FBXL13: variants seen among roughly 807,000 people sequenced by gnomAD.
FBXL13 encodes F-box and leucine rich repeat protein 13.
A neutral mutation model predicts 83.6 loss-of-function variants in FBXL13; 67 were observed. The ratio of observed to expected loss-of-function variants is 0.80; its 90% confidence interval spans 0.66 to 0.98. The LOEUF (loss-of-function observed/expected upper bound fraction) is 0.98. FBXL13 is among the 50% of genes least tolerant of loss of function. The pLI, the probability that FBXL13 is intolerant of heterozygous loss-of-function variation, is 0.00. For synonymous variants in FBXL13, 272 were observed against 299.5 expected, an observed-to-expected ratio of 0.91 and a Z score of 0.95; for missense variants, 822 against 866.5, an observed-to-expected ratio of 0.95 and a Z score of 0.64.
intron 1 of FBXL13, among the ~76,000 whole-genome samples, chr7:103,071,587 A>C (rs1412325900): frequency 2.7e-5 from 4 of 147,012 alleles, no homozygotes; most frequent in African/African-American, 1.0e-4. Flanking sequence ...TTGTACACAC[A>C]GGGTCTCACT....
intron 11 of FBXL13, among the ~76,000 whole-genome samples, chr7:102,910,811 C>T (rs567925490): frequency 2.0e-5 from 3 of 152,260 alleles, no homozygotes; most frequent in Admixed American, 6.5e-5. Flanking sequence ...CAGGCTGGAA[C>T]GCAGTGGTGG....
At chr7:102,934,054 C>T (rs762549029) in intron 8 of FBXL13, 3 of 1,614,046 alleles carry the variant, frequency 1.9e-6, no homozygotes, top group African/African-American at 1.3e-5. Flanking sequence ...CGGTCAAACG[C>T]TACGCACCAG....
intron 18 of FBXL13, among the ~76,000 whole-genome samples, chr7:102,831,431 A>ACCCCCCC (rs56834945): frequency 5.4e-5 from 8 of 147,126 alleles, no homozygotes; most frequent in African/African-American, 2.0e-4. Context: ...ACACACACAC[A>ACCCCCCC]CCCCACTACA....
Position 103,028,536 on chromosome 7 carries a change from G to C in FBXL13, c.217+64C>G, listed in dbSNP as rs909763312. 8 of 1,196,830 alleles carry C rather than the reference G, an allele frequency of 6.7e-6. No homozygotes were observed. In the African/African-American group the frequency reaches 1.1e-4, roughly 17 times the overall value. The allele number at this position is 1,196,830 out of a possible 1,614,324, so 74.1% of individuals were successfully genotyped here. ...CTAAGTACCCAAAGTATGCTTAACTGTTAGTTTTTTTATTATTTCAATAAA... is the reference window on the plus strand; with the variant it reads ...CTAAGTACCCAAAGTATGCTTAACTCTTAGTTTTTTTATTATTTCAATAAA... On this transcript the variant is annotated intron_variant, in intron 4 of 19. Coordinates refer to ENST00000313221, the Ensembl canonical transcript of FBXL13.
chr7:102,913,927 T>C (rs922090056), intron 10 of FBXL13, among the ~76,000 whole-genome samples: 3 of 152,078 alleles, frequency 2.0e-5, no homozygotes, highest in African/African-American at 7.2e-5. Context: ...TTGAAACAGA[T>C]TAAATATGGT....
intron 10 of FBXL13, among the ~76,000 whole-genome samples, chr7:102,919,045 C>T (rs561832175): frequency 6.6e-6 from 1 of 152,290 alleles, no homozygotes; most frequent in South Asian, 2.1e-4. Context: ...GGACCTCCCA[C>T]AGTGGTCACT....
intron 1 of FBXL13, among the ~76,000 whole-genome samples, chr7:103,067,540 T>C (rs1026333062): frequency 2.0e-5 from 3 of 152,228 alleles, no homozygotes; most frequent in Non-Finnish European, 2.9e-5. Flanking sequence ...CTCTGTCTCT[T>C]GGACACCTGT....
chr7:103,054,416 A>C (rs1057022453), intron 2 of FBXL13, among the ~76,000 whole-genome samples: 8 of 149,244 alleles, frequency 5.4e-5, no homozygotes, highest in South Asian at 4.2e-4. Flanking sequence ...AAAGAGAGAG[A>C]GTTATCACAC....
intron 1 of FBXL13, among the ~76,000 whole-genome samples, chr7:103,073,192 C>T (rs2129510676): frequency 6.6e-6 from 1 of 152,324 alleles, no homozygotes; most frequent in East Asian, 1.9e-4. Flanking sequence ...TATGCATGCA[C>T]TATTGTCTTA....
intron 11 of FBXL13, among the ~76,000 whole-genome samples, chr7:102,902,483 G>C (rs1813089672): frequency 6.6e-6 from 1 of 152,092 alleles, no homozygotes; most frequent in Non-Finnish European, 1.5e-5. Context: ...TGTACTTGTG[G>C]GGTATTGCTC....
At chr7:102,820,487 A>T (rs1473855009) in intron 19 of FBXL13, among the ~76,000 whole-genome samples, 1 of 152,116 alleles carries the variant, frequency 6.6e-6, no homozygotes, top group Non-Finnish European at 1.5e-5. Context: ...ATATTTTTTA[A>T]ATCTAGGGAC....
chr7:102,848,273 G>GGATATTATATAAATGTATTTATATT (rs1299866637), intron 17 of FBXL13, among the ~76,000 whole-genome samples: 2 of 116,170 alleles, frequency 1.7e-5, no homozygotes, highest in East Asian at 3.0e-4. Context: ...ATACACATTC[G>GGATATTATATAAATGTATTTATATT]AGGCCGGGCG....
intron 18 of FBXL13, among the ~76,000 whole-genome samples, chr7:102,823,751 A>G (rs1405072076): frequency 6.6e-6 from 1 of 152,244 alleles, no homozygotes; most frequent in Non-Finnish European, 1.5e-5. Context: ...TTGTTTTAAC[A>G]TAAAGTTAAA....
rs140513809 is a variant in FBXL13, at chr7:102,964,033, G to A, written c.592-368C>T. Among the ~76,000 whole-genome samples the A allele has an allele frequency of 4.4e-4, 67 of 152,254 alleles. No individual in the cohort carries two copies. The East Asian group carries it at 0.011, about 26-fold the overall frequency. On this transcript the variant is annotated intron_variant, in intron 7 of 19. Coordinates refer to ENST00000313221, the Ensembl canonical transcript of FBXL13. ...TGCAAATTGAAACCACAATGAGGTC[G>A]GGCACGGTGGCTCATGCCTGTAATC...
At chr7:102,962,064 A>G (rs1448845250) in intron 8 of FBXL13, among the ~76,000 whole-genome samples, 1 of 151,106 alleles carries the variant, frequency 6.6e-6, no homozygotes, top group Non-Finnish European at 1.5e-5. Flanking sequence ...ACAAAATGGG[A>G]GAAAATTTTC....
intron 11 of FBXL13, among the ~76,000 whole-genome samples, chr7:102,910,493 C>T (rs940678473): frequency 4.6e-5 from 7 of 151,666 alleles, no homozygotes; most frequent in South Asian, 2.1e-4. Flanking sequence ...CAGCGTGGCT[C>T]GGGCTCCAAT....
intron 6 of FBXL13, among the ~76,000 whole-genome samples, chr7:102,972,690 G>T (rs926701018): frequency 2.0e-5 from 3 of 149,758 alleles, no homozygotes; most frequent in African/African-American, 7.3e-5. Flanking sequence ...ATAAAGTCAG[G>T]AAAGGGGAAA....
chr7:102,834,403 G>A lies in FBXL13; in HGVS notation c.1720-1429C>T, dbSNP rs955761949. On this transcript the variant is annotated intron_variant, in intron 17 of 19. Coordinates refer to ENST00000313221, the Ensembl canonical transcript of FBXL13. ...AATTATATATATATATATTATATGC[G>A]ATTATATATATATTATATATATGTG... Among the ~76,000 whole-genome samples, 15 of 145,054 alleles carry A rather than the reference G, an allele frequency of 1.0e-4. No individual in the cohort carries two copies. The South Asian group carries it at 1.3e-3, about 12-fold the overall frequency.
At chr7:102,910,418 G>A (rs1814469363) in intron 11 of FBXL13, among the ~76,000 whole-genome samples, 1 of 151,478 alleles carries the variant, frequency 6.6e-6, no homozygotes, top group South Asian at 2.1e-4. Context: ...GGGGGGAGGG[G>A]GTCTTTATTC....
Sources: allele counts gnomAD v4.1 joint callset (sites outside exome capture counted in the v4.1 genomes callset), GRCh38; gene constraint gnomAD v4.1.1; transcripts MANE v1.5; gene names NCBI Gene and HGNC (gene_info 2026-07-23, HGNC 2026-07-21).